Variants in DPY19L1 observed in about 807,000 individuals in gnomAD.
DPY19L1 encodes dpy-19 like C-mannosyltransferase 1, also known as protein C-mannosyl-transferase DPY19L1.
DPY19L1 carries 35 observed loss-of-function variants against 96.9 expected under a neutral mutation model. The ratio of observed to expected loss-of-function variants is 0.36; its 90% CI spans 0.28 to 0.48. The LOEUF is 0.48. DPY19L1 is among the 20% of genes least tolerant of loss of function. The pLI, the probability that DPY19L1 is intolerant of heterozygous loss-of-function variation, is 0.99. For synonymous variants in DPY19L1, 205 were observed against 252.6 expected (o/e 0.81, Z 1.79); for missense variants, 521 against 777.9 (o/e 0.67, Z 3.93).
At chr7:34,939,071 CAA>C (rs745789026) in intron 20 of DPY19L1, 5 of 460,926 alleles carry the variant, frequency 1.1e-5, no homozygotes, top group Non-Finnish European at 1.9e-5. Context: ...AGAGAGCCCC[CAA>C]AGTTGTCACT....
intron 6 of DPY19L1, among the ~76,000 whole-genome samples, chr7:35,005,111 A>G (rs1785520340): frequency 6.6e-6 from 1 of 152,190 alleles, no homozygotes; most frequent in African/African-American, 2.4e-5. Flanking sequence ...AAGTACTTTT[A>G]TAATTCTACC....
intron 21 of DPY19L1, among the ~76,000 whole-genome samples, chr7:34,934,513 TACAA>T (rs1470310334): frequency 6.6e-6 from 1 of 152,216 alleles, no homozygotes; most frequent in African/African-American, 2.4e-5. Flanking sequence ...GCAATGCAGC[TACAA>T]ACAGTCTTGT....
At chr7:34,987,702 A>T (rs1785080554) in intron 7 of DPY19L1, among the ~76,000 whole-genome samples, 1 of 152,090 alleles carries the variant, frequency 6.6e-6, no homozygotes, top group Non-Finnish European at 1.5e-5. Context: ...CTCACTAAAT[A>T]CATAAATAGG....
chr7:34,963,447 T>C (rs1688826240), intron 10 of DPY19L1, among the ~76,000 whole-genome samples: 1 of 152,192 alleles, frequency 6.6e-6, no homozygotes, highest in Admixed American at 6.5e-5. Flanking sequence ...AGATTTACCA[T>C]ATGATCAATC....
chr7:34,958,020 T>C lies in DPY19L1; in HGVS notation c.1143A>G (p.Leu381=), dbSNP rs757518119. The change falls in exon 11 of 22, where the codon TTA becomes TTG. Residue 381 remains leucine (L), a synonymous_variant. Transcript: ENST00000638088. ...CCAAAGAAGAAGCATAATAAGAAGT[T>C]AATAACATTGAGTTCCCAAACATCA... The part of the protein sequence containing the change: ...FVLMFGNSML[L]TSYYASSLVI... The C allele has an allele frequency of 1.3e-6, 2 of 1,587,018 alleles. No homozygotes were observed. Among genetic ancestry groups the C allele is most frequent in the Non-Finnish European group, 1.7e-6 (2 of 1,172,212 alleles).
intron 6 of DPY19L1, among the ~76,000 whole-genome samples, chr7:34,991,145 G>A (rs1413570948): frequency 6.6e-6 from 1 of 152,212 alleles, no homozygotes; most frequent in East Asian, 1.9e-4. Context: ...ACAGCCACTC[G>A]CTGCCAGAGT....
intron 6 of DPY19L1, among the ~76,000 whole-genome samples, chr7:34,995,414 T>C (rs1305028621): frequency 6.6e-6 from 1 of 152,164 alleles, no homozygotes; most frequent in Non-Finnish European, 1.5e-5. Flanking sequence ...TTGCTAAACA[T>C]TTACCACATT....
intron 6 of DPY19L1, among the ~76,000 whole-genome samples, chr7:34,997,436 CAAAAAAAAAAA>C (rs397836742): frequency 2.2e-5 from 2 of 91,954 alleles, no homozygotes; most frequent in East Asian, 6.5e-4. Context: ...ACTAAAAATA[CAAAAAAAAAAA>C]AAAAAAAAAA....
At chr7:34,972,969 C>T (rs1056096946) in intron 8 of DPY19L1, among the ~76,000 whole-genome samples, 2 of 152,150 alleles carry the variant, frequency 1.3e-5, no homozygotes, top group African/African-American at 2.4e-5. Context: ...CTTCTGAATT[C>T]GGAGGATCAC....
At position 34,945,702 on chromosome 7, in the gene DPY19L1, C is replaced by G. The variant is rs370350873; in HGVS notation, c.1509G>C (p.Met503Ile). 6.2e-7 allele frequency: 1 copy of G among 1,601,602 alleles called. No individual in the cohort carries two copies. The highest frequency in any genetic ancestry group is 1.1e-5 in the South Asian group (1 of 89,172). ...VAIVRKIISD[M>I]WGVLAKQQTH... ...TCTGTTGTTTAGCTAAGACACCCCA[C>G]ATATCACTAATAATCTGTAAATAGA... Residue 503 changes from methionine to isoleucine, a missense_variant, in exon 16 of 22, where the codon ATG becomes ATC. By Grantham distance (10) the Met-to-Ile change is conservative. Coordinates refer to ENST00000638088, the MANE Select transcript of DPY19L1 (RefSeq NM_001366673.1).
chr7:35,030,334 C>T (rs1470178803), intron 1 of DPY19L1, among the ~76,000 whole-genome samples: 1 of 152,166 alleles, frequency 6.6e-6, no homozygotes, highest in Non-Finnish European at 1.5e-5. Context: ...ACAACAATCT[C>T]CCTAAACTAA....
Position 35,010,485 on chromosome 7 carries a change from T to C in DPY19L1, c.747A>G (p.Ile249Met). 2 of 1,587,100 alleles carry C rather than the reference T, an allele frequency of 1.3e-6. No individual in the cohort carries two copies. Among genetic ancestry groups the C allele is most frequent in the Non-Finnish European group, 1.7e-6 (2 of 1,158,834 alleles). Residue 249 changes from isoleucine (I) to methionine (M), a missense_variant, in exon 6 of 22, where the codon ATA becomes ATG. Ile to Met is a conservative substitution (Grantham distance 10). Transcript: ENST00000638088. ...LNGLMMALFF[I>M]YGTYLSGSRL... ...ATTCTTACCTTAAATATGTGCCATA[T>C]ATGAAGAATAATGCCATCATTAGTC...
chr7:34,981,982 T>A (rs761977204), intron 7 of DPY19L1, among the ~76,000 whole-genome samples: 1 of 152,092 alleles, frequency 6.6e-6, no homozygotes, highest in Non-Finnish European at 1.5e-5. Flanking sequence ...AATAGTCTTC[T>A]AATCTGAATC....
At chr7:35,008,734 A>G (rs1785628581) in intron 6 of DPY19L1, among the ~76,000 whole-genome samples, 2 of 152,226 alleles carry the variant, frequency 1.3e-5, no homozygotes, top group Admixed American at 1.3e-4. Flanking sequence ...GCATAAGTGC[A>G]GATTAGCAGC....
At chr7:34,955,573 G>A (rs960047394) in intron 11 of DPY19L1, among the ~76,000 whole-genome samples, 16 of 152,118 alleles carry the variant, frequency 1.1e-4, no homozygotes, top group African/African-American at 3.9e-4. Context: ...AGGTGAATGC[G>A]TGACTTTTTA....
At chr7:34,938,267 A>G (rs1239571791) in intron 20 of DPY19L1, 148 bp from the exon 21 acceptor site, 6 of 871,728 alleles carry the variant, frequency 6.9e-6, no homozygotes, top group Non-Finnish European at 1.0e-5. Flanking sequence ...GCTAAGGGGC[A>G]TCAGTGAGGT....
chr7:35,000,353 T>G (rs574031907), intron 6 of DPY19L1: 1 of 152,176 alleles, frequency 6.6e-6, no homozygotes, highest in Non-Finnish European at 1.5e-5. Context: ...AACTACAAAC[T>G]ACCAGATCAT....
rs1457924139 is a variant in DPY19L1 at position 35,011,602 on chromosome 7, TCTCCTAGG to T, written c.550-160_550-153del. ...AAATGTAGTAAAACAAGGCTCAGAA[TCTCCTAGG>T]CAGATTCTTCACTGGTCAGTTTTCA... On this transcript the variant is annotated intron_variant, in intron 4 of 21. Coordinates refer to ENST00000638088, the MANE Select transcript of DPY19L1 (RefSeq NM_001366673.1). 31 of 756,066 alleles carry T rather than the reference TCTCCTAGG, an allele frequency of 4.1e-5. No individual in the cohort carries two copies. The African/African-American group carries it at 5.6e-4, about 14-fold the overall frequency. The allele number at this position is 756,066 out of a possible 1,614,324, so 46.8% of individuals were successfully genotyped here. A position where few individuals can be genotyped will look rare whatever the true frequency, so the allele number is the denominator to read the frequency against.
At chr7:34,978,626 T>C (rs1297058808) in intron 7 of DPY19L1, among the ~76,000 whole-genome samples, 2 of 152,140 alleles carry the variant, frequency 1.3e-5, no homozygotes, top group Non-Finnish European at 2.9e-5. Context: ...GGGCACTGTA[T>C]CTTGATAATA....
Sources: allele counts gnomAD v4.1 joint callset (sites outside exome capture counted in the v4.1 genomes callset), GRCh38; gene constraint gnomAD v4.1.1; transcripts MANE v1.5; gene names NCBI Gene and HGNC (gene_info 2026-07-23, HGNC 2026-07-21).